PCDHGB6: variants seen among roughly 807,000 people sequenced by gnomAD.
PCDHGB6 encodes the protein protocadherin gamma-B6.
PCDHGB6 carries 51 observed loss-of-function variants against 59.1 expected under a neutral mutation model. That is an observed-to-expected ratio of 0.86 (90% CI 0.69 to 1.09). The LOEUF is 1.09. PCDHGB6 is among the 50% of genes least tolerant of loss of function. The pLI is 0.00. For synonymous variants in PCDHGB6, 466 were observed against 495.1 expected, an observed-to-expected ratio of 0.94 and a Z score of 0.78; for missense variants, 1,148 against 1,205.1, an observed-to-expected ratio of 0.95 and a Z score of 0.70.
rs1349189547 is a variant in PCDHGB6 at position 141,432,777 on chromosome 5, C to T, written c.2418+22157C>T. Reference sequence around the variant, plus strand: ...GCCGACAGCATCCCCCAAGTCCTGGCGGACCTCGGCAGCCTCGAGTCTCCA... The same window carrying T: ...GCCGACAGCATCCCCCAAGTCCTGGTGGACCTCGGCAGCCTCGAGTCTCCA... On this transcript the variant is annotated intron_variant, in intron 1 of 3. Coordinates refer to ENST00000520790, the MANE Select transcript of PCDHGB6 (RefSeq NM_018926.3). This position sits in a 1 kb window ranked among gnomAD's most constrained non-coding sequence, Gnocchi z 6.0. The T allele has an allele frequency of 6.2e-6, 10 of 1,614,154 alleles. No individual in the cohort carries two copies. The highest frequency in any genetic ancestry group is 7.6e-6 in the Non-Finnish European group (9 of 1,179,992).
intron 1 of PCDHGB6, chr5:141,427,864 A>G: frequency 6.4e-7 from 1 of 1,557,574 alleles, no homozygotes; most frequent in Non-Finnish European, 8.8e-7. Flanking sequence ...TGCGCCTTCG[A>G]GCTCACGATG....
chr5:141,432,610 C>T lies in PCDHGB6; in HGVS notation c.2418+21990C>T, dbSNP rs1481968343. 9.3e-6 allele frequency: 15 copies of T among 1,613,954 alleles called. No homozygotes were observed. Among genetic ancestry groups the T allele is most frequent in the Non-Finnish European group, 1.3e-5 (15 of 1,179,978 alleles). On this transcript the variant is annotated intron_variant, in intron 1 of 3. Transcript: ENST00000520790. This position sits in a 1 kb window ranked among gnomAD's most constrained non-coding sequence, Gnocchi z 6.0. The stretch of plus-strand genomic sequence containing the variant: ...TCAAGGCCAGCGAGCCGGGACTCTT[C>T]TCGGTGGGTCTGCACACGGGCGAGG...
intron 1 of PCDHGB6, chr5:141,419,739 G>T: frequency 6.2e-7 from 1 of 1,613,770 alleles, no homozygotes; most frequent in South Asian, 1.1e-5. Context: ...GGCGAGGTGC[G>T]CATGGTGCGT....
In PCDHGB6 at chr5:141,491,049, G is replaced by A. The variant is rs369146505; in HGVS notation, c.2419-3758G>A. Reference sequence around the variant, plus strand: ...TGGATGCTGATGCAGGCCACAATGCGTGGCTCTCCTACTCACTGTTGCCAC... The same window carrying A: ...TGGATGCTGATGCAGGCCACAATGCATGGCTCTCCTACTCACTGTTGCCAC... On this transcript the variant is annotated intron_variant, in intron 1 of 3. Coordinates refer to ENST00000520790, the MANE Select transcript of PCDHGB6 (RefSeq NM_018926.3). This position sits in a 1 kb window ranked among gnomAD's most constrained non-coding sequence, Gnocchi z 6.9. The A allele has an allele frequency of 3.3e-5, 53 of 1,614,116 alleles. No individual in the cohort carries two copies. The African/African-American group carries it at 5.5e-4, about 17-fold the overall frequency.
chr5:141,476,831 G>C lies in PCDHGB6; in HGVS notation c.2419-17976G>C, dbSNP rs779348525. ...TCACATCAAGGTGCTGGACGCGAAT[G>C]ACAATGCGCCTGTCTTCAACCAGTC... On this transcript the variant is annotated intron_variant, in intron 1 of 3. Transcript: ENST00000520790. This position sits in a 1 kb window ranked among gnomAD's most constrained non-coding sequence, Gnocchi z 7.6. 1 of 1,613,504 alleles carries C rather than the reference G, an allele frequency of 6.2e-7. No homozygotes were observed. Among genetic ancestry groups the C allele is most frequent in the Non-Finnish European group, 8.5e-7 (1 of 1,180,050 alleles).
intron 1 of PCDHGB6, chr5:141,419,317 T>G: frequency 1.2e-6 from 2 of 1,613,952 alleles, no homozygotes; most frequent in Non-Finnish European, 1.7e-6. Context: ...TCAACGGCCG[T>G]GTCTCCTACT....
Position 141,490,491 on chromosome 5 carries a change from A to T in PCDHGB6, c.2419-4316A>T. 1 of 1,614,098 alleles carries T rather than the reference A, an allele frequency of 6.2e-7. No individual in the cohort carries two copies. Among genetic ancestry groups the T allele is most frequent in the Non-Finnish European group, 8.5e-7 (1 of 1,180,022 alleles). ...GCCAGCCTTTGGACCGGGAGGCCAC[A>T]TCCCACTATATCATCGAGCTGCTGG... On this transcript the variant is annotated intron_variant, in intron 1 of 3. Coordinates refer to ENST00000520790, the MANE Select transcript of PCDHGB6 (RefSeq NM_018926.3). This position sits in a 1 kb window ranked among gnomAD's most constrained non-coding sequence, Gnocchi z 5.4.
chr5:141,427,646 C>A, intron 1 of PCDHGB6: 1 of 715,440 alleles, frequency 1.4e-6, no homozygotes, highest in East Asian at 2.7e-5. Context: ...ACCAAGTCTC[C>A]TACGTGGTCC....
At chr5:141,418,316 A>G in intron 1 of PCDHGB6, 1 of 1,614,026 alleles carries the variant, frequency 6.2e-7, no homozygotes, top group Non-Finnish European at 8.5e-7. Context: ...GATGGGAACA[A>G]TTCTTGAGTC....
At chr5:141,433,358 C>CTAT (rs2097585632) in intron 1 of PCDHGB6, 108 of 504,044 alleles carry the variant, frequency 2.1e-4, no homozygotes, top group African/African-American at 2.0e-3. Flanking sequence ...CTACTGTCTG[C>CTAT]CTATCTATCT....
Position 141,410,471 on chromosome 5 carries a change from G to GC in PCDHGB6, c.2270dup (p.His758ThrfsTer8). ...GCCTTATTCTTATAATCTGTGCATT[G>GC]CACATACGGGTACAAAAGAGTTTAA... On this transcript the variant is annotated frameshift_variant, in exon 1 of 4. Coordinates refer to ENST00000520790, the MANE Select transcript of PCDHGB6 (RefSeq NM_018926.3). LOFTEE classifies it high-confidence loss of function. 6.2e-7 allele frequency: 1 copy of GC among 1,613,988 alleles called. No individual in the cohort carries two copies. The highest frequency in any genetic ancestry group is 8.5e-7 in the Non-Finnish European group (1 of 1,179,906).
rs1221067458 is a variant in PCDHGB6 at position 141,491,658 on chromosome 5, C to T, written c.2419-3149C>T. The T allele has an allele frequency of 3.1e-6, 5 of 1,613,822 alleles. No individual in the cohort carries two copies. The highest frequency in any genetic ancestry group is 2.2e-5 in the South Asian group (2 of 91,088). Reference sequence around the variant, plus strand: ...CCACAGCTCTGGCGCTGGAGCCTGACGCCATCCGGTCCCGCTCTAATACGC... The same window carrying T: ...CCACAGCTCTGGCGCTGGAGCCTGATGCCATCCGGTCCCGCTCTAATACGC... On this transcript the variant is annotated intron_variant, in intron 1 of 3. Coordinates refer to ENST00000520790, the MANE Select transcript of PCDHGB6 (RefSeq NM_018926.3). The surrounding 1 kb of genome is among the most constrained non-coding windows in gnomAD (Gnocchi z 6.9).
At chr5:141,429,445 G>C (rs2097215795) in intron 1 of PCDHGB6, among the ~76,000 whole-genome samples, 1 of 151,758 alleles carries the variant, frequency 6.6e-6, no homozygotes, top group Admixed American at 6.6e-5. Context: ...AAACTCTTGG[G>C]CTACAGTAAT....
In PCDHGB6 at chr5:141,463,438, C is replaced by CTTT. The variant is rs71576115; in HGVS notation, c.2419-31343_2419-31341dup. ...GTTTGCGGATCCTCATTTCCTTCTC[C>CTTT]TTTTTTTTTTTTTTTTTTTTTTTTT... On this transcript the variant is annotated intron_variant, in intron 1 of 3. Coordinates refer to ENST00000520790, the MANE Select transcript of PCDHGB6 (RefSeq NM_018926.3). 5.0e-3 allele frequency among the ~76,000 whole-genome samples: 517 copies of CTTT among 103,248 alleles called. 61 individuals are homozygous for CTTT. The highest frequency in any genetic ancestry group is 0.017 in the African/African-American group (381 of 22,398). The allele number at this position is 103,248 out of a possible 152,430, so 67.7% of individuals were successfully genotyped here.
At chr5:141,441,527 A>G (rs2098252922) in intron 1 of PCDHGB6, 2 of 173,076 alleles carry the variant, frequency 1.2e-5, no homozygotes, top group African/African-American at 2.4e-5. Flanking sequence ...GTGGCCAAGA[A>G]CAATCTTCCC....
intron 1 of PCDHGB6, chr5:141,413,419 A>C: frequency 6.2e-7 from 1 of 1,614,084 alleles, no homozygotes; most frequent in Non-Finnish European, 8.5e-7. Context: ...TTTCTCTCTG[A>C]ACCCGCGCAG....
intron 1 of PCDHGB6, among the ~76,000 whole-genome samples, chr5:141,434,129 G>T (rs1242855904): frequency 6.6e-6 from 1 of 152,092 alleles, no homozygotes; most frequent in East Asian, 1.9e-4. Flanking sequence ...CTCCCTTTAG[G>T]CTGATTTCTA....
chr5:141,408,623 G>T lies in PCDHGB6; in HGVS notation c.421G>T (p.Glu141Ter). The T allele has an allele frequency of 6.2e-7, 1 of 1,614,004 alleles. No homozygotes were observed. Among genetic ancestry groups the T allele is most frequent in the Non-Finnish European group, 8.5e-7 (1 of 1,179,888 alleles). Residue 141 changes from glutamate to a stop codon, truncating the protein, a stop_gained, in exon 1 of 4, where the codon GAA becomes TAA. Coordinates refer to ENST00000520790, the MANE Select transcript of PCDHGB6 (RefSeq NM_018926.3). LOFTEE classifies it high-confidence loss of function. ...ATTTGATAAAAAGGAAATACATTTA[G>T]AAATTTTCGAATCTGCATCCGCTGG... ...PQFDKKEIHL[E>*]IFESASAGTR...
chr5:141,435,882 C>G (rs780080571), intron 1 of PCDHGB6, among the ~76,000 whole-genome samples: 1 of 152,060 alleles, frequency 6.6e-6, no homozygotes, highest in African/African-American at 2.4e-5. Context: ...AGATTGGAAA[C>G]CCCTTAGAGA....
Sources: gnomAD v4.1 joint callset for allele counts (sites outside exome capture counted in the v4.1 genomes callset) on GRCh38, gnomAD v4.1.1 for gene constraint, Gnocchi (gnomAD v3.1) non-coding constraint, MANE v1.5 for transcripts, NCBI Gene and HGNC (gene_info 2026-07-23, HGNC 2026-07-21) for gene names.